Variants in ADCY1 observed in about 807,000 individuals in gnomAD.
ADCY1 encodes the protein adenylate cyclase type 1.
ADCY1 carries 28 observed loss-of-function variants against 105.4 expected under a neutral mutation model. That is an observed-to-expected ratio of 0.27 (90% CI 0.20 to 0.36). ADCY1 has a LOEUF of 0.36. Among genes scored for constraint, ADCY1 ranks in the 10% least tolerant of loss-of-function variants. ADCY1 has a pLI of 1.00. For synonymous variants in ADCY1, 655 were observed against 623.8 expected, an observed-to-expected ratio of 1.05 and a Z score of -0.75; for missense variants, 977 against 1,434.2, an observed-to-expected ratio of 0.68 and a Z score of 5.15.
chr7:45,581,785 G>T (rs1399417530), intron 1 of ADCY1, among the ~76,000 whole-genome samples: 2 of 152,106 alleles, frequency 1.3e-5, no homozygotes, highest in East Asian at 1.9e-4. Context: ...CTTCCTCTTT[G>T]CATGAACATA....
In ADCY1 at chr7:45,703,534, T is replaced by C; in HGVS notation, c.2571+42T>C. The C allele has an allele frequency of 6.2e-7, 1 of 1,613,162 alleles. No individual in the cohort carries two copies. The highest frequency in any genetic ancestry group is 1.1e-5 in the South Asian group (1 of 91,050). ...CTCCTGGCCAGCACTAGCCCTACACTGCTCTGGCCACCCCACTTGGCGCTC... is the reference window on the plus strand; with the variant it reads ...CTCCTGGCCAGCACTAGCCCTACACCGCTCTGGCCACCCCACTTGGCGCTC... On this transcript the variant is annotated intron_variant, in intron 15 of 19. Transcript: ENST00000297323. This position sits in a 1 kb window ranked among gnomAD's most constrained non-coding sequence, Gnocchi z 5.9.
chr7:45,695,619 A>T (rs1584337864), intron 14 of ADCY1, among the ~76,000 whole-genome samples: 2 of 152,168 alleles, frequency 1.3e-5, no homozygotes, highest in Admixed American at 1.3e-4. Context: ...GTGTGGCTGG[A>T]GGGTTTCTCT....
chr7:45,633,374 A>G (rs745767789), intron 4 of ADCY1, among the ~76,000 whole-genome samples: 8 of 152,220 alleles, frequency 5.3e-5, no homozygotes, highest in Admixed American at 5.2e-4. Flanking sequence ...GAGATTTGTG[A>G]TAGTTTGGAA....
chr7:45,590,701 G>C (rs2115767136), intron 1 of ADCY1, among the ~76,000 whole-genome samples: 1 of 152,220 alleles, frequency 6.6e-6, no homozygotes, highest in East Asian at 1.9e-4. Context: ...CAGGGTCATA[G>C]TGGAGATTTC....
chr7:45,711,640 TATATAC>T (rs1450053957), intron 19 of ADCY1, among the ~76,000 whole-genome samples: 16 of 20,770 alleles, frequency 7.7e-4, no homozygotes, highest in East Asian at 3.1e-3. Context: ...TATATATATA[TATATAC>T]ACACACACAC....
intron 2 of ADCY1, 72 bp downstream of exon 2, chr7:45,592,980 T>C: frequency 3.8e-6 from 6 of 1,581,862 alleles, no homozygotes; most frequent in Non-Finnish European, 5.2e-6. Flanking sequence ...GCTGGCTTCC[T>C]GAGCCTCAGT....
At chr7:45,697,276 G>T (rs987061632) in intron 14 of ADCY1, among the ~76,000 whole-genome samples, 2 of 151,938 alleles carry the variant, frequency 1.3e-5, no homozygotes, top group Non-Finnish European at 2.9e-5. Flanking sequence ...TTCTCTCCGT[G>T]TACAGTGACG....
chr7:45,665,095 G>C lies in ADCY1; in HGVS notation c.1605+2881G>C, dbSNP rs376796052. On this transcript the variant is annotated intron_variant, in intron 8 of 19. Transcript: ENST00000297323. ...GGTTTCCAGCTTCATCCATGTCCCTGCAAAGGACATGAACTCATTCTTTTT... is the reference window on the plus strand; with the variant it reads ...GGTTTCCAGCTTCATCCATGTCCCTCCAAAGGACATGAACTCATTCTTTTT... 1.4e-3 allele frequency among the ~76,000 whole-genome samples: 211 copies of C among 152,230 alleles called. 1 individual carries two copies. Among genetic ancestry groups the C allele is most frequent in the African/African-American group, 4.6e-3 (191 of 41,524 alleles).
At chr7:45,659,943 G>A in intron 6 of ADCY1, 99 bp from the exon 7 acceptor site, 3 of 1,472,220 alleles carry the variant, frequency 2.0e-6, no homozygotes, top group Non-Finnish European at 2.8e-6. Flanking sequence ...CCTGGTGTGG[G>A]GAAGCCTCTG....
intron 14 of ADCY1, among the ~76,000 whole-genome samples, chr7:45,688,270 C>G (rs116904791): frequency 0.014 from 2,156 of 152,260 alleles, 23 homozygotes; most frequent in Non-Finnish European, 0.023. Context: ...GAACCCTAAT[C>G]CAGGTGTGCA....
chr7:45,652,055 A>G (rs1225509247), intron 5 of ADCY1, among the ~76,000 whole-genome samples: 4 of 152,220 alleles, frequency 2.6e-5, no homozygotes, highest in East Asian at 1.9e-4. Context: ...ACTTACAATC[A>G]TGGCGGAAGG....
In ADCY1 at chr7:45,703,823, C is replaced by T; in HGVS notation, c.2718+77C>T. 6.7e-7 allele frequency: 1 copy of T among 1,485,316 alleles called. No individual in the cohort carries two copies. Among genetic ancestry groups the T allele is most frequent in the Non-Finnish European group, 9.0e-7 (1 of 1,107,668 alleles). 92.0% of individuals were successfully genotyped at this position (1,485,316 alleles called of 1,614,324 possible). On this transcript the variant is annotated intron_variant, in intron 16 of 19. Coordinates refer to ENST00000297323, the MANE Select transcript of ADCY1 (RefSeq NM_021116.4). This position sits in a 1 kb window ranked among gnomAD's most constrained non-coding sequence, Gnocchi z 5.9. The stretch of plus-strand genomic sequence containing the variant: ...TGTTGCGTGGGCAGAGCGTGTCTCA[C>T]AATATGTCACATTCTTCGTAGCTGG...
Position 45,673,377 on chromosome 7 carries a change from C to T in ADCY1, c.1606-4492C>T, listed in dbSNP as rs74451344. Among the ~76,000 whole-genome samples the T allele has an allele frequency of 0.011, 1,621 of 152,152 alleles. 56 individuals are homozygous for T. The East Asian group carries it at 0.13, about 12-fold the overall frequency. On this transcript the variant is annotated intron_variant, in intron 8 of 19. Transcript: ENST00000297323. ...CTGGTGTTAATTCTTTAAACATTTGCTAGAATTTGTCAGTGAAACCATCTG... is the reference window on the plus strand; with the variant it reads ...CTGGTGTTAATTCTTTAAACATTTGTTAGAATTTGTCAGTGAAACCATCTG...
chr7:45,721,577 T>C lies in ADCY1; in HGVS notation c.*7582T>C, dbSNP rs1785472574. The C allele has an allele frequency of 2.5e-6, 1 of 398,050 alleles. No homozygotes were observed. Among genetic ancestry groups the C allele is most frequent in the African/African-American group, 2.1e-5 (1 of 48,750 alleles). 24.7% of individuals were successfully genotyped at this position (398,050 alleles called of 1,614,324 possible). On this transcript the variant is annotated 3_prime_UTR_variant, in exon 20 of 20. Coordinates refer to ENST00000297323, the MANE Select transcript of ADCY1 (RefSeq NM_021116.4). Reference sequence around the variant, plus strand: ...TTCTGCTCAGGAGTTCTGTGAGCTATGGGAAGGCCATTGGTTGTATTTGCT... The same window carrying C: ...TTCTGCTCAGGAGTTCTGTGAGCTACGGGAAGGCCATTGGTTGTATTTGCT...
chr7:45,683,331 A>G (rs7778387), intron 11 of ADCY1, among the ~76,000 whole-genome samples: 19,765 of 152,170 alleles, frequency 0.13, 1,729 homozygotes, highest in East Asian at 0.36. Flanking sequence ...ATGAATCAGT[A>G]TATGACTACA....
intron 8 of ADCY1, among the ~76,000 whole-genome samples, chr7:45,666,746 A>G (rs921869964): frequency 1.3e-5 from 2 of 152,234 alleles, no homozygotes; most frequent in African/African-American, 4.8e-5. Context: ...TCCCACCAAC[A>G]GTGTAAAAGT....
chr7:45,607,893 G>A (rs1793425120), intron 2 of ADCY1, among the ~76,000 whole-genome samples: 3 of 152,172 alleles, frequency 2.0e-5, no homozygotes, highest in Admixed American at 1.3e-4. Context: ...ATAGTGCTGC[G>A]ATGTACATAC....
chr7:45,620,239 G>C (rs192484320), intron 3 of ADCY1, among the ~76,000 whole-genome samples: 1 of 152,240 alleles, frequency 6.6e-6, no homozygotes, highest in East Asian at 1.9e-4. Flanking sequence ...TAGGGTCTTG[G>C]GGGAGGAAGA....
At chr7:45,657,916 G>GGGGTGGT in intron 6 of ADCY1, 31 bp downstream of exon 6, 1 of 502,918 alleles carries the variant, frequency 2.0e-6, no homozygotes, top group Non-Finnish European at 4.0e-6. Flanking sequence ...GGAGGGGAGG[G>GGGGTGGT]AGGTGGGTGA....
Sources: gnomAD v4.1 joint callset for allele counts (sites outside exome capture counted in the v4.1 genomes callset) on GRCh38, gnomAD v4.1.1 for gene constraint, Gnocchi (gnomAD v3.1) non-coding constraint, MANE v1.5 for transcripts, NCBI Gene and HGNC (gene_info 2026-07-23, HGNC 2026-07-21) for gene names.